Variants in PGM5 observed in about 807,000 individuals in gnomAD.
The protein encoded by PGM5 is phosphoglucomutase 5, also known as phosphoglucomutase-like protein 5.
PGM5 carries 23 observed loss-of-function variants against 59.2 expected under a neutral mutation model. That is an observed-to-expected ratio of 0.39 (90% CI 0.28 to 0.55). PGM5 has a LOEUF of 0.55. Among genes scored for constraint, PGM5 ranks in the 20% least tolerant of loss-of-function variants. The pLI is 0.66. For missense variants in PGM5, 574 were observed against 748.3 expected, an observed-to-expected ratio of 0.77 and a Z score of 2.72; for synonymous variants, 214 against 286.0, an observed-to-expected ratio of 0.75 and a Z score of 2.54.
chr9:68,409,799 C>A (rs2770854), intron 6 of PGM5, among the ~76,000 whole-genome samples: 4 of 129,796 alleles, frequency 3.1e-5, no homozygotes, highest in South Asian at 2.5e-4. Context: ...TGGGTGCAGC[C>A]CACCAGCATG....
intron 10 of PGM5, among the ~76,000 whole-genome samples, chr9:68,513,474 AG>A (rs2132114570): frequency 6.6e-6 from 1 of 152,374 alleles, no homozygotes; most frequent in Admixed American, 6.5e-5. Flanking sequence ...GGATGAAAAA[AG>A]AAAAGTATGA....
rs893260986 is a variant in PGM5 at position 68,530,710 on chromosome 9, T to C, written c.*1054T>C. 1 of 151,964 alleles carries C rather than the reference T, an allele frequency of 6.6e-6. No homozygotes were observed. The highest frequency in any genetic ancestry group is 1.5e-5 in the Non-Finnish European group (1 of 68,006). The allele number at this position is 151,964 out of a possible 1,614,324, so 9.4% of individuals were successfully genotyped here. A position where few individuals can be genotyped will look rare whatever the true frequency, so the allele number is the denominator to read the frequency against. On this transcript the variant is annotated 3_prime_UTR_variant, in exon 11 of 11. Transcript: ENST00000396396. ...ATGGGCCAGATGGTGGAGGGGAGGG[T>C]GGGGACCCCTGCCGGCAAGCAGAGT...
intron 10 of PGM5, among the ~76,000 whole-genome samples, chr9:68,509,821 G>A (rs1554689245): frequency 2.0e-5 from 3 of 152,158 alleles, no homozygotes. Flanking sequence ...GAGAAATAGT[G>A]GCCCAAGTGT....
chr9:68,496,534 C>A (rs1380713403), intron 9 of PGM5, among the ~76,000 whole-genome samples: 5 of 152,188 alleles, frequency 3.3e-5, no homozygotes, highest in African/African-American at 1.2e-4. Context: ...GATGCTGGAC[C>A]ATTTCCAGTA....
At chr9:68,493,474 A>C (rs782179195) in intron 9 of PGM5, among the ~76,000 whole-genome samples, 7 of 152,190 alleles carry the variant, frequency 4.6e-5, no homozygotes, top group Non-Finnish European at 7.3e-5. Context: ...GAGTCAGAAG[A>C]CCTAAATGGA....
intron 6 of PGM5, among the ~76,000 whole-genome samples, chr9:68,444,042 GTC>G (rs1275844615): frequency 6.6e-6 from 1 of 151,452 alleles, no homozygotes; most frequent in African/African-American, 2.4e-5. Context: ...ACTTAGAAGA[GTC>G]TCTCTCTTTC....
chr9:68,377,666 G>C (rs1175005076), intron 1 of PGM5, among the ~76,000 whole-genome samples: 1 of 152,208 alleles, frequency 6.6e-6, no homozygotes, highest in East Asian at 1.9e-4. Context: ...TCACTTAACA[G>C]CAGAAAGAGA....
intron 1 of PGM5, among the ~76,000 whole-genome samples, chr9:68,372,876 T>C (rs1372295639): frequency 1.3e-5 from 2 of 152,092 alleles, no homozygotes; most frequent in South Asian, 2.1e-4. Context: ...GCAGATCTCA[T>C]GTAAACTCAG....
intron 1 of PGM5, among the ~76,000 whole-genome samples, chr9:68,373,250 C>T (rs1180864470): frequency 8.1e-5 from 12 of 148,412 alleles, no homozygotes; most frequent in Non-Finnish European, 1.2e-4. Context: ...ACATCTCCTC[C>T]AGTACTTATC....
In PGM5 at chr9:68,387,512, C is replaced by G. The variant is rs782212102; in HGVS notation, c.621C>G (p.Ile207Met). 2 of 1,612,158 alleles carry G rather than the reference C, an allele frequency of 1.2e-6. No homozygotes were observed. Among genetic ancestry groups the G allele is most frequent in the South Asian group, 1.1e-5 (1 of 91,038 alleles). The change falls in exon 4 of 11, where the codon ATC becomes ATG. Residue 207 changes from isoleucine to methionine, a missense_variant. Physicochemically the swap from Ile to Met is conservative, Grantham distance 10. This residue lies in a region of PGM5 where 103 missense variants were observed against 112.4 expected (regional missense o/e 0.92). Transcript: ENST00000396396. ...VDIYLNLLRT[I>M]FDFHAIKGLL... ...TCTATCTTAACCTCCTTCGGACCAT[C>G]TTTGACTTTCATGCCATCAAGGGTT...
At chr9:68,456,540 C>T (rs772005923) in intron 6 of PGM5, among the ~76,000 whole-genome samples, 15 of 148,988 alleles carry the variant, frequency 1.0e-4, no homozygotes, top group Non-Finnish European at 1.8e-4. Flanking sequence ...AGGATGGTCT[C>T]GATCTCCTGA....
At chr9:68,372,417 G>T (rs532636216) in intron 1 of PGM5, among the ~76,000 whole-genome samples, 1 of 151,940 alleles carries the variant, frequency 6.6e-6, no homozygotes, top group Non-Finnish European at 1.5e-5. Context: ...TGCATCTTCC[G>T]TGATGGAAGT....
At chr9:68,357,764 T>C (rs1587765586) in intron 1 of PGM5, 1 of 287,704 alleles carries the variant, frequency 3.5e-6, no homozygotes, top group South Asian at 3.8e-5. Context: ...TTTTCCATAT[T>C]GTTCCCAACG....
At chr9:68,376,906 T>TTC (rs1821933305) in intron 1 of PGM5, among the ~76,000 whole-genome samples, 2 of 60,056 alleles carry the variant, frequency 3.3e-5, no homozygotes, top group African/African-American at 1.3e-4. Flanking sequence ...TTCTCTCTCT[T>TTC]TCTTTCTTTC....
At chr9:68,407,789 C>A (rs1262477996) in intron 6 of PGM5, among the ~76,000 whole-genome samples, 1 of 152,066 alleles carries the variant, frequency 6.6e-6, no homozygotes, top group Non-Finnish European at 1.5e-5. Context: ...GTAGTTCAGC[C>A]AAAAGCAGCA....
chr9:68,474,095 T>TA (rs1406759113), intron 7 of PGM5, among the ~76,000 whole-genome samples: 1 of 152,144 alleles, frequency 6.6e-6, no homozygotes, highest in Non-Finnish European at 1.5e-5. Context: ...AAGGAGTTTT[T>TA]AAAAAAGAAA....
At chr9:68,415,315 T>G (rs1462741260) in intron 6 of PGM5, among the ~76,000 whole-genome samples, 5 of 148,708 alleles carry the variant, frequency 3.4e-5, no homozygotes, top group Non-Finnish European at 5.9e-5. Context: ...GGAACTGAGG[T>G]GGTTGTTCTG....
chr9:68,374,064 G>T (rs1269779866), intron 1 of PGM5, among the ~76,000 whole-genome samples: 2 of 152,300 alleles, frequency 1.3e-5, no homozygotes, highest in African/African-American at 2.4e-5. Flanking sequence ...GTAGCCCCTG[G>T]CTGGGCAGCT....
intron 6 of PGM5, among the ~76,000 whole-genome samples, chr9:68,413,842 C>A (rs1302413617): frequency 1.3e-5 from 2 of 152,170 alleles, no homozygotes; most frequent in Non-Finnish European, 2.9e-5. Context: ...TTCACCCATT[C>A]TGGTGTAGGG....
Sources: gnomAD v4.1 joint callset for allele counts (sites outside exome capture counted in the v4.1 genomes callset) on GRCh38, gnomAD v4.1.1 for gene constraint, gnomAD v4.1.1 regional missense constraint, MANE v1.5 for transcripts, NCBI Gene and HGNC (gene_info 2026-07-23, HGNC 2026-07-21) for gene names.